RABGAP1: variants seen among roughly 807,000 people sequenced by gnomAD.
RABGAP1 encodes the protein rab GTPase-activating protein 1.
In RABGAP1, 23 loss-of-function variants were observed where a neutral mutation model predicts 137.6. The observed-to-expected ratio is 0.17, with a 90% CI of 0.12 to 0.24. The LOEUF (loss-of-function observed/expected upper bound fraction) is 0.24. Ranked by LOEUF, RABGAP1 falls within the 10% of genes least tolerant of loss-of-function variation. The pLI, the probability that RABGAP1 is intolerant of heterozygous loss-of-function variation, is 1.00. For missense variants in RABGAP1, 906 were observed against 1,275.8 expected (o/e 0.71, Z 4.42); for synonymous variants, 451 against 450.7 (o/e 1.00, Z -0.01).
chr9:122,980,778 G>A (rs1564375399), intron 2 of RABGAP1, among the ~76,000 whole-genome samples: 1 of 152,186 alleles, frequency 6.6e-6, no homozygotes. Flanking sequence ...TCCTAGCCCA[G>A]TGATTTTCAA....
intron 4 of RABGAP1, among the ~76,000 whole-genome samples, chr9:122,989,011 T>C (rs982323205): frequency 6.7e-6 from 1 of 150,020 alleles, no homozygotes; most frequent in Admixed American, 6.7e-5. Flanking sequence ...ATTAATCGTC[T>C]TTATTTTGTA....
In RABGAP1 at chr9:122,957,113, T is replaced by A. The variant is rs1394576710; in HGVS notation, c.54T>A (p.Ser18=). 6 of 1,564,922 alleles carry A rather than the reference T, an allele frequency of 3.8e-6. No homozygotes were observed. Among genetic ancestry groups the A allele is most frequent in the Middle Eastern group, 1.7e-4 (1 of 5,846 alleles). The change falls in exon 2 of 26, where the codon TCT becomes TCA. Residue 18 remains serine (S), a synonymous_variant. Transcript: ENST00000373647. ...TCAGTGTCTCTTCAGACTCAGTATCTACTCTTAATAGTGAAGATTTTGTCT... is the reference window on the plus strand; with the variant it reads ...TCAGTGTCTCTTCAGACTCAGTATCAACTCTTAATAGTGAAGATTTTGTCT... The part of the protein sequence containing the change: ...GKISVSSDSV[S]TLNSEDFVLV...
chr9:122,961,337 A>C (rs1834841482), intron 2 of RABGAP1, among the ~76,000 whole-genome samples: 1 of 152,154 alleles, frequency 6.6e-6, no homozygotes. Context: ...ACTTCTCAGC[A>C]AAAAAATGGA....
At chr9:123,019,623 G>A (rs625440) in intron 12 of RABGAP1, among the ~76,000 whole-genome samples, 148,677 of 152,242 alleles carry the variant, frequency 0.98, 72,700 homozygotes, top group East Asian at 1. Context: ...CCACTTGTCA[G>A]TTTGATGTAG....
At position 123,101,682 on chromosome 9, in the gene RABGAP1, G is replaced by A. The variant is rs1291685615; in HGVS notation, c.3006G>A (p.Thr1002=). The change falls in exon 25 of 26, where the codon ACG becomes ACA. Residue 1002 remains threonine, a synonymous_variant. Transcript: ENST00000373647. ...AGGACACGGATGAAGAGAAAGAGAC[G>A]CTCAAGAACCAGCTGAGAGAAATGG... ...LDEDTDEEKE[T]LKNQLREMEL... is the part of the protein sequence containing the mutation. 1.4e-5 allele frequency: 23 copies of A among 1,613,836 alleles called. No individual in the cohort carries two copies. Among genetic ancestry groups the A allele is most frequent in the Middle Eastern group, 1.6e-4 (1 of 6,084 alleles).
At chr9:122,936,630 A>G (rs1295949195), upstream of RABGAP1, among the ~76,000 whole-genome samples, 1 of 152,166 alleles carries the variant, frequency 6.6e-6, no homozygotes, top group East Asian at 1.9e-4. Context: ...TCCTCCAAAT[A>G]CTGGCTGTCG....
At chr9:122,954,069 A>G (rs1195694974) in intron 1 of RABGAP1, among the ~76,000 whole-genome samples, 2 of 152,214 alleles carry the variant, frequency 1.3e-5, no homozygotes, top group Admixed American at 6.5e-5. Context: ...TTTATTGTCA[A>G]TGGGAATTAG....
intron 4 of RABGAP1, among the ~76,000 whole-genome samples, chr9:122,989,047 T>C (rs573679391): frequency 1.4e-4 from 21 of 149,058 alleles, no homozygotes; most frequent in African/African-American, 5.1e-4. Flanking sequence ...AATGTGCTTA[T>C]TGATATTGTT....
At chr9:123,077,877 C>A (rs2132165720) in intron 19 of RABGAP1, among the ~76,000 whole-genome samples, 1 of 152,164 alleles carries the variant, frequency 6.6e-6, no homozygotes, top group South Asian at 2.1e-4. Context: ...ACTGAGCTAA[C>A]TCAGATTACC....
intron 13 of RABGAP1, among the ~76,000 whole-genome samples, chr9:123,055,933 C>T (rs2033674864): frequency 6.6e-6 from 1 of 152,172 alleles, no homozygotes; most frequent in Admixed American, 6.5e-5. Context: ...TTTCACTTGG[C>T]TCCCACGTCC....
chr9:123,102,730 C>T (rs2035379482), intron 25 of RABGAP1, among the ~76,000 whole-genome samples: 1 of 151,954 alleles, frequency 6.6e-6, no homozygotes, highest in African/African-American at 2.4e-5. Flanking sequence ...GTGTGTGGAT[C>T]CAGATTGCGA....
chr9:123,084,487 C>G (rs2034808678), intron 19 of RABGAP1, among the ~76,000 whole-genome samples: 1 of 152,216 alleles, frequency 6.6e-6, no homozygotes, highest in Non-Finnish European at 1.5e-5. Flanking sequence ...CCTCCCACTT[C>G]ACTGGATTCC....
intron 2 of RABGAP1, among the ~76,000 whole-genome samples, chr9:122,966,087 A>G (rs1268714667): frequency 6.6e-6 from 1 of 152,326 alleles, no homozygotes; most frequent in East Asian, 1.9e-4. Flanking sequence ...GAATTGGGTC[A>G]GGAGAACATA....
At chr9:122,986,816 A>G (rs1415448498) in intron 4 of RABGAP1, among the ~76,000 whole-genome samples, 1 of 152,094 alleles carries the variant, frequency 6.6e-6, no homozygotes, top group Non-Finnish European at 1.5e-5. Flanking sequence ...CTATACCAGC[A>G]CACCCCTTAA....
chr9:122,983,745 A>G (rs962916815), intron 2 of RABGAP1, among the ~76,000 whole-genome samples: 1 of 152,154 alleles, frequency 6.6e-6, no homozygotes, highest in Non-Finnish European at 1.5e-5. Context: ...TTTCTTAAGC[A>G]TTTAGTGACA....
intron 2 of RABGAP1, among the ~76,000 whole-genome samples, chr9:122,970,265 T>C (rs1407926984): frequency 6.6e-6 from 1 of 152,044 alleles, no homozygotes; most frequent in Non-Finnish European, 1.5e-5. Flanking sequence ...GCTTGGGACA[T>C]AAACATAAAA....
intron 13 of RABGAP1, among the ~76,000 whole-genome samples, chr9:123,049,290 T>TTTGTTGTTG (rs201223630): frequency 1.3e-5 from 2 of 152,018 alleles, no homozygotes; most frequent in East Asian, 1.9e-4. Flanking sequence ...TATGGTGTTT[T>TTTGTTGTTG]TTGTTGTTGT....
At chr9:123,040,497 T>C (rs968998840) in intron 13 of RABGAP1, among the ~76,000 whole-genome samples, 1 of 152,170 alleles carries the variant, frequency 6.6e-6, no homozygotes, top group African/African-American at 2.4e-5. Flanking sequence ...TACCTTCTCA[T>C]TGACATATTA....
Position 122,975,552 on chromosome 9 carries a change from G to A in RABGAP1, c.151-8933G>A, listed in dbSNP as rs548748768. On this transcript the variant is annotated intron_variant, in intron 2 of 25. Coordinates refer to ENST00000373647, the MANE Select transcript of RABGAP1 (RefSeq NM_012197.4). ...TGCTGCTTTTGTACATGAATAGTAG[G>A]TGTGTTCTTAGAGTTTCTTTGGGCC... Among the ~76,000 whole-genome samples the A allele has an allele frequency of 8.5e-5, 13 of 152,272 alleles. No individual in the cohort carries two copies. The South Asian group carries it at 2.3e-3, about 27-fold the overall frequency.
Sources: gnomAD v4.1 joint callset for allele counts (sites outside exome capture counted in the v4.1 genomes callset) on GRCh38, gnomAD v4.1.1 for gene constraint, MANE v1.5 for transcripts, NCBI Gene and HGNC (gene_info 2026-07-23, HGNC 2026-07-21) for gene names.